CRACD: variants seen among roughly 807,000 people sequenced by gnomAD.
CRACD encodes capping protein-inhibiting regulator of actin dynamics.
CRACD carries 56 observed loss-of-function variants against 106.8 expected under a neutral mutation model. That is an observed-to-expected ratio of 0.52 (90% CI 0.42 to 0.66). The LOEUF is 0.66. CRACD is among the 30% of genes least tolerant of loss of function. The probability of loss-of-function intolerance (pLI) is 0.00; values close to 1 mark genes in which losing one functional copy is unlikely to be tolerated. For missense variants in CRACD, 1,730 were observed against 1,623.2 expected (o/e 1.07, Z -1.13); for synonymous variants, 754 against 670.8 (o/e 1.12, Z -1.92).
chr4:56,201,858 A>T (rs571849981), intron 2 of CRACD, among the ~76,000 whole-genome samples: 1 of 152,356 alleles, frequency 6.6e-6, no homozygotes, highest in South Asian at 2.1e-4. Flanking sequence ...TTAATTGAGG[A>T]ATACCACTCT....
chr4:56,205,209 G>GCCC (rs71666120), intron 2 of CRACD, among the ~76,000 whole-genome samples: 1 of 151,206 alleles, frequency 6.6e-6, no homozygotes, highest in African/African-American at 2.4e-5. Flanking sequence ...GCTTTCCCAT[G>GCCC]CCCCCCCCGC....
At chr4:56,195,695 A>C (rs1175906115) in intron 2 of CRACD, among the ~76,000 whole-genome samples, 1 of 152,218 alleles carries the variant, frequency 6.6e-6, no homozygotes, top group African/African-American at 2.4e-5. Flanking sequence ...ATATTTTTCT[A>C]ATAAACAACC....
At chr4:56,051,478 T>C (rs1731872221) in intron 1 of CRACD, among the ~76,000 whole-genome samples, 1 of 152,214 alleles carries the variant, frequency 6.6e-6, no homozygotes, top group Admixed American at 6.5e-5. Flanking sequence ...TTGTTGTATG[T>C]GCATATAGTT....
At chr4:56,324,320 A>G (rs1746296507) in intron 10 of CRACD, 54 bp downstream of exon 10, 2 of 1,546,250 alleles carry the variant, frequency 1.3e-6, no homozygotes, top group Non-Finnish European at 8.8e-7. Flanking sequence ...CTCTTTGTAG[A>G]GCGTGCTTTA....
At chr4:56,128,942 TTA>T (rs1456806005) in intron 1 of CRACD, among the ~76,000 whole-genome samples, 3 of 152,200 alleles carry the variant, frequency 2.0e-5, no homozygotes, top group Non-Finnish European at 2.9e-5. Flanking sequence ...CAGCAAGTAT[TTA>T]TTCTTTAATA....
chr4:56,288,229 C>CTT (rs566097698), intron 3 of CRACD, among the ~76,000 whole-genome samples: 1 of 151,994 alleles, frequency 6.6e-6, no homozygotes, highest in African/African-American at 2.4e-5. Context: ...TCCTGCTCTT[C>CTT]TTTTTTTAAA....
chr4:56,232,903 A>G (rs1028974229), intron 2 of CRACD, among the ~76,000 whole-genome samples: 1 of 151,104 alleles, frequency 6.6e-6, no homozygotes, highest in African/African-American at 2.4e-5. Context: ...TTTTTTTTGT[A>G]TTTTTAGTAC....
intron 1 of CRACD, among the ~76,000 whole-genome samples, chr4:56,136,772 T>C (rs1735014792): frequency 6.6e-6 from 1 of 152,190 alleles, no homozygotes; most frequent in South Asian, 2.1e-4. Flanking sequence ...GTCTACTGTA[T>C]TGATTGTTTC....
At chr4:56,276,957 T>A (rs1005806383) in intron 3 of CRACD, among the ~76,000 whole-genome samples, 3 of 152,208 alleles carry the variant, frequency 2.0e-5, no homozygotes, top group African/African-American at 7.2e-5. Context: ...ATGAGCTCAC[T>A]TGGACTGGAA....
chr4:56,277,340 A>G (rs1338953651), intron 3 of CRACD, among the ~76,000 whole-genome samples: 1 of 152,176 alleles, frequency 6.6e-6, no homozygotes, highest in Non-Finnish European at 1.5e-5. Context: ...TTAACATAAA[A>G]AAGCCAATCA....
At chr4:56,121,876 G>T (rs368053310) in intron 1 of CRACD, among the ~76,000 whole-genome samples, 2 of 152,338 alleles carry the variant, frequency 1.3e-5, no homozygotes, top group African/African-American at 4.8e-5. Flanking sequence ...ACTTGACAGT[G>T]ATTGCAGCAA....
At chr4:56,237,717 TACATAC>T (rs1326720250) in intron 2 of CRACD, among the ~76,000 whole-genome samples, 5 of 93,324 alleles carry the variant, frequency 5.4e-5, no homozygotes, top group South Asian at 4.3e-4. Flanking sequence ...TAAAAGATAT[TACATAC>T]ACACACACAC....
intron 2 of CRACD, among the ~76,000 whole-genome samples, chr4:56,213,134 A>C (rs1577745253): frequency 6.6e-6 from 1 of 152,182 alleles, no homozygotes; most frequent in East Asian, 1.9e-4. Flanking sequence ...GTTAAAAGAC[A>C]AACCTTAGAC....
chr4:56,214,788 A>G (rs1738597714), intron 2 of CRACD, among the ~76,000 whole-genome samples: 1 of 151,446 alleles, frequency 6.6e-6, no homozygotes, highest in Non-Finnish European at 1.5e-5. Flanking sequence ...CAAGGTAGGC[A>G]AATCATGAGG....
Position 56,307,516 on chromosome 4 carries a change from T to G in CRACD, c.121-19T>G, listed in dbSNP as rs779127053. 4.3e-6 allele frequency: 7 copies of G among 1,613,444 alleles called. No homozygotes were observed. The Admixed American group carries it at 1.0e-4, about 23-fold the overall frequency. Reference sequence around the variant, plus strand: ...ACTGCTTCACTGCTTCAGAATGTCTTTCTTCTGTTTCTCTCCAGCAACAGT... The same window carrying G: ...ACTGCTTCACTGCTTCAGAATGTCTGTCTTCTGTTTCTCTCCAGCAACAGT... On this transcript the variant is annotated intron_variant, in intron 4 of 10. Transcript: ENST00000682029.
chr4:56,114,788 T>C (rs550004015), intron 1 of CRACD, among the ~76,000 whole-genome samples: 21 of 152,196 alleles, frequency 1.4e-4, no homozygotes, highest in African/African-American at 4.8e-4. Flanking sequence ...CATTTACATA[T>C]TTATATTTAT....
intron 1 of CRACD, among the ~76,000 whole-genome samples, chr4:56,157,367 G>A (rs773235893): frequency 6.6e-5 from 10 of 152,072 alleles, no homozygotes; most frequent in East Asian, 1.9e-4. Flanking sequence ...TAAGAATTGG[G>A]ATTATGTCTT....
chr4:56,089,510 T>A (rs988760438), intron 1 of CRACD, among the ~76,000 whole-genome samples: 3 of 96,492 alleles, frequency 3.1e-5, no homozygotes, highest in Non-Finnish European at 6.1e-5. Context: ...TATTATAGGA[T>A]TTTTTTTTTT....
intron 1 of CRACD, among the ~76,000 whole-genome samples, chr4:56,178,390 C>A (rs1736674341): frequency 6.6e-6 from 1 of 152,178 alleles, no homozygotes; most frequent in African/African-American, 2.4e-5. Context: ...AAAAGTGGTA[C>A]AAAATGTCTG....
Sources: gnomAD v4.1 joint callset for allele counts (sites outside exome capture counted in the v4.1 genomes callset) on GRCh38, gnomAD v4.1.1 for gene constraint, MANE v1.5 for transcripts, NCBI Gene and HGNC (gene_info 2026-07-23, HGNC 2026-07-21) for gene names.